Variants in SLIT1 observed in about 807,000 individuals in gnomAD.
The protein encoded by SLIT1 is slit guidance ligand 1, also known as slit homolog 1 protein.
A neutral mutation model predicts 186.1 loss-of-function variants in SLIT1; 66 were observed. The observed-to-expected ratio is 0.35, with a 90% CI of 0.29 to 0.44. The LOEUF (loss-of-function observed/expected upper bound fraction) is 0.44. Ranked by LOEUF, SLIT1 falls within the 20% of genes least tolerant of loss-of-function variation. The pLI, the probability that SLIT1 is intolerant of heterozygous loss-of-function variation, is 1.00. For missense variants in SLIT1, 1,638 were observed against 2,037.4 expected (o/e 0.80, Z 3.77); for synonymous variants, 761 against 833.8 (o/e 0.91, Z 1.50).
chr10:97,146,867 G>A (rs1214674247), intron 4 of SLIT1, among the ~76,000 whole-genome samples: 1 of 152,084 alleles, frequency 6.6e-6, no homozygotes, highest in Non-Finnish European at 1.5e-5. Context: ...ACTTGTGCTG[G>A]GGAAACAAGA....
chr10:97,007,172 A>G (rs1437493833), intron 31 of SLIT1, among the ~76,000 whole-genome samples: 1 of 152,252 alleles, frequency 6.6e-6, no homozygotes, highest in East Asian at 1.9e-4. Context: ...ATAAAGGAAT[A>G]CTATGAACAA....
chr10:97,176,811 G>A lies in SLIT1; in HGVS notation c.197+8667C>T, dbSNP rs1430968602. Among the ~76,000 whole-genome samples, 4 of 151,790 alleles carry A rather than the reference G, an allele frequency of 2.6e-5. 1 individual carries two copies. Among genetic ancestry groups the A allele is most frequent in the Middle Eastern group, 3.2e-3 (1 of 316 alleles). On this transcript the variant is annotated intron_variant, in intron 1 of 36. Transcript: ENST00000266058. ...TCGGCCCAGGTTCAAATCCACAAAC[G>A]TGTAGCCACTGCTCTCCACTGTCAA...
chr10:97,181,284 C>T (rs964331814), intron 1 of SLIT1, among the ~76,000 whole-genome samples: 5 of 152,242 alleles, frequency 3.3e-5, no homozygotes, highest in African/African-American at 7.2e-5. Flanking sequence ...CAGATCCAAT[C>T]GGGCCCTGAT....
At chr10:97,161,183 C>T (rs777363854) in intron 3 of SLIT1, among the ~76,000 whole-genome samples, 22 of 152,230 alleles carry the variant, frequency 1.4e-4, no homozygotes, top group Non-Finnish European at 2.2e-4. Context: ...GGTCATGTCT[C>T]GACCCCCCAG....
At chr10:97,066,167 C>T in intron 4 of SLIT1, 81 bp from the exon 5 acceptor site, 1 of 1,183,578 alleles carries the variant, frequency 8.4e-7, no homozygotes, top group Non-Finnish European at 1.2e-6. Flanking sequence ...GTCAGGGAAG[C>T]AGGGCAGGTG....
intron 11 of SLIT1, chr10:97,058,038 C>G (rs561361541): frequency 3.5e-5 from 25 of 717,482 alleles, no homozygotes; most frequent in Non-Finnish European, 3.1e-5. Flanking sequence ...GGCACAGCAA[C>G]AGCAAAGGCC....
At chr10:97,146,863 G>T (rs1248703914) in intron 4 of SLIT1, among the ~76,000 whole-genome samples, 3 of 152,080 alleles carry the variant, frequency 2.0e-5, no homozygotes, top group Non-Finnish European at 4.4e-5. Context: ...CCCCACTTGT[G>T]CTGGGGAAAC....
At chr10:97,174,457 T>C (rs548341233) in intron 1 of SLIT1, among the ~76,000 whole-genome samples, 38 of 152,254 alleles carry the variant, frequency 2.5e-4, no homozygotes, top group African/African-American at 7.5e-4. Flanking sequence ...AGCATCCCAG[T>C]CCTCCAACCC....
In SLIT1 at chr10:97,056,356, C is replaced by G. The variant is rs1157055350; in HGVS notation, c.1266G>C (p.Lys422Asn). Residue 422 changes from lysine to asparagine, a missense_variant, in exon 13 of 37, where the codon AAG (lysine) becomes AAC (asparagine). By Grantham distance (94) the Lys-to-Asn change is moderately conservative (BLOSUM62 0). Around this residue, in one of 3 missense-constraint regions of SLIT1, gnomAD observed 1,245 missense variants for 1,535.3 expected, o/e 0.81. Coordinates refer to ENST00000266058, the MANE Select transcript of SLIT1 (RefSeq NM_003061.3). ...LYDNKIQSLA[K>N]GTFTSLRAIQ... ...TGGCCCGCAGGGAGGTGAAAGTGCC[C>G]TTGGCGAGGCTCTGGATCTTGTTGT... The G allele has an allele frequency of 6.2e-7, 1 of 1,614,204 alleles. No homozygotes were observed. The highest frequency in any genetic ancestry group is 1.7e-5 in the Admixed American group (1 of 60,026).
intron 36 of SLIT1, 102 bp from the exon 37 acceptor site, chr10:97,001,452 T>A: frequency 1.2e-6 from 1 of 862,356 alleles, no homozygotes; most frequent in Non-Finnish European, 1.9e-6. Context: ...GCAGCATCTG[T>A]GGGGTGGATC....
chr10:97,064,493 G>T (rs1259399402), intron 6 of SLIT1, among the ~76,000 whole-genome samples: 1 of 152,194 alleles, frequency 6.6e-6, no homozygotes, highest in East Asian at 1.9e-4. Context: ...CAGGGCGGGT[G>T]ATGGGACGCG....
chr10:97,060,825 C>T (rs1389838167), intron 8 of SLIT1, 38 bp from the exon 9 acceptor site: 1 of 1,536,522 alleles, frequency 6.5e-7, no homozygotes, highest in Non-Finnish European at 8.8e-7. Flanking sequence ...GGCTGTCATG[C>T]ATCAGCACCT....
chr10:97,018,828 C>CATTA (rs895404039), intron 27 of SLIT1, 145 bp from the exon 28 acceptor site: 10 of 631,558 alleles, frequency 1.6e-5, no homozygotes, highest in Admixed American at 5.4e-5. Context: ...TTCATTCATT[C>CATTA]ATTCATTCAT....
At chr10:97,157,483 T>C in intron 4 of SLIT1, 1 of 313,852 alleles carries the variant, frequency 3.2e-6, no homozygotes, top group Non-Finnish European at 5.8e-6. Flanking sequence ...AAAGGCGCAG[T>C]GAGATGGGTA....
chr10:97,051,211 C>A (rs927829157), intron 13 of SLIT1, among the ~76,000 whole-genome samples: 1 of 151,640 alleles, frequency 6.6e-6, no homozygotes, highest in Non-Finnish European at 1.5e-5. Flanking sequence ...CAAATTAAAA[C>A]CACAATGAGA....
rs1848502576 is a variant in SLIT1, at chr10:97,021,568, T to C, written c.2583-155A>G. Among the ~76,000 whole-genome samples the C allele has an allele frequency of 6.6e-6, 1 of 151,914 alleles. No individual in the cohort carries two copies. The highest frequency in any genetic ancestry group is 6.6e-5 in the Admixed American group (1 of 15,264). ...GTATAGTCAGTGCTGCTTTTTTTTT[T>C]TTTTCTTTTTTTGAGATGGAGTGTC... On this transcript the variant is annotated intron_variant, in intron 25 of 36. Transcript: ENST00000266058. This position sits in a 1 kb window ranked among gnomAD's most constrained non-coding sequence, Gnocchi z 4.5.
At position 97,006,999 on chromosome 10, in the gene SLIT1, C is replaced by T. The variant is rs995414338; in HGVS notation, c.3342-279G>A. Among the ~76,000 whole-genome samples the T allele has an allele frequency of 6.6e-6, 1 of 152,172 alleles. No homozygotes were observed. Among genetic ancestry groups the T allele is most frequent in the African/African-American group, 2.4e-5 (1 of 41,432 alleles). On this transcript the variant is annotated intron_variant, in intron 31 of 36. Coordinates refer to ENST00000266058, the MANE Select transcript of SLIT1 (RefSeq NM_003061.3). The surrounding 1 kb of genome is among the most constrained non-coding windows in gnomAD (Gnocchi z 4.0). ...TTTTTAACAAGATCCAAGGTGATTA[C>T]TGACAATGTCAATAACTCTGCAAGG...
At chr10:97,121,858 C>T (rs966260681) in intron 4 of SLIT1, among the ~76,000 whole-genome samples, 12 of 152,202 alleles carry the variant, frequency 7.9e-5, no homozygotes, top group African/African-American at 2.9e-4. Flanking sequence ...TATGGCTTAA[C>T]GGCAAGAACA....
At chr10:97,044,571 A>G (rs2072883624) in intron 18 of SLIT1, among the ~76,000 whole-genome samples, 3 of 152,178 alleles carry the variant, frequency 2.0e-5, no homozygotes, top group Admixed American at 2.0e-4. Context: ...ACACTTATGC[A>G]ATATTGATTT....
Sources: gnomAD v4.1 joint callset for allele counts (sites outside exome capture counted in the v4.1 genomes callset) on GRCh38, gnomAD v4.1.1 for gene constraint, gnomAD v4.1.1 regional missense constraint, Gnocchi (gnomAD v3.1) non-coding constraint, MANE v1.5 for transcripts, NCBI Gene and HGNC (gene_info 2026-07-23, HGNC 2026-07-21) for gene names.